Variants in JARID2 observed in about 807,000 individuals in gnomAD.
The protein encoded by JARID2 is jumonji and AT-rich interaction domain containing 2, also known as protein Jumonji.
A neutral mutation model predicts 125.6 loss-of-function variants in JARID2; 21 were observed. That is an observed-to-expected ratio of 0.17 (90% CI 0.12 to 0.24). The LOEUF (loss-of-function observed/expected upper bound fraction) is 0.24, where lower values mean the gene tolerates loss of function less well. Among genes scored for constraint, JARID2 ranks in the 10% least tolerant of loss-of-function variants. JARID2 has a pLI of 1.00. For missense variants in JARID2, 1,303 were observed against 1,639.6 expected (o/e 0.79, Z 3.55); for synonymous variants, 736 against 661.6 (o/e 1.11, Z -1.73).
intron 1 of JARID2, among the ~76,000 whole-genome samples, chr6:15,336,252 G>A (rs186221427): frequency 6.6e-6 from 1 of 152,266 alleles, no homozygotes; most frequent in South Asian, 2.1e-4. Context: ...GGAAGGAAAA[G>A]TATATCAAGC....
At chr6:15,282,584 C>T (rs551723951) in intron 1 of JARID2, among the ~76,000 whole-genome samples, 1 of 145,138 alleles carries the variant, frequency 6.9e-6, no homozygotes, top group East Asian at 2.1e-4. Context: ...TTTGTCTCTC[C>T]CCCTCTCCTC....
intron 1 of JARID2, among the ~76,000 whole-genome samples, chr6:15,259,312 T>C (rs1333369497): frequency 1.3e-5 from 2 of 152,226 alleles, no homozygotes; most frequent in African/African-American, 4.8e-5. Context: ...TTTGTTCTAT[T>C]TTCAGCTTGT....
chr6:15,387,470 C>T (rs1018695831), intron 2 of JARID2, among the ~76,000 whole-genome samples: 2 of 152,144 alleles, frequency 1.3e-5, no homozygotes, highest in Non-Finnish European at 2.9e-5. Context: ...GAGTCTTCCT[C>T]CTCATGCGAG....
At chr6:15,263,965 T>A (rs1165806147) in intron 1 of JARID2, among the ~76,000 whole-genome samples, 3 of 152,188 alleles carry the variant, frequency 2.0e-5, no homozygotes, top group Non-Finnish European at 4.4e-5. Flanking sequence ...TGAACGCAGC[T>A]CACTGCAGCC....
chr6:15,506,162 T>C (rs901641784), intron 9 of JARID2, among the ~76,000 whole-genome samples: 2 of 152,206 alleles, frequency 1.3e-5, no homozygotes, highest in African/African-American at 4.8e-5. Context: ...TGCTCTGTAT[T>C]CCAAAAAAGG....
At chr6:15,414,474 C>A (rs1766040878) in intron 3 of JARID2, among the ~76,000 whole-genome samples, 1 of 152,146 alleles carries the variant, frequency 6.6e-6, no homozygotes. Flanking sequence ...GGAGTTTCCT[C>A]AAATTTCTAA....
intron 1 of JARID2, among the ~76,000 whole-genome samples, chr6:15,367,034 G>T (rs1764006142): frequency 6.6e-6 from 1 of 152,008 alleles, no homozygotes; most frequent in Non-Finnish European, 1.5e-5. Context: ...TTCCTGGAAG[G>T]GGCCTGGTAG....
chr6:15,371,944 A>C (rs1764186549), intron 1 of JARID2, among the ~76,000 whole-genome samples: 1 of 152,124 alleles, frequency 6.6e-6, no homozygotes, highest in Admixed American at 6.5e-5. Context: ...TCTGTGAGTG[A>C]AGGATGTGAA....
At chr6:15,275,073 C>T (rs934253448) in intron 1 of JARID2, among the ~76,000 whole-genome samples, 16 of 152,134 alleles carry the variant, frequency 1.1e-4, no homozygotes, top group African/African-American at 3.1e-4. Context: ...GGGTTACCTC[C>T]ATCTCTGTGA....
At chr6:15,498,933 C>G (rs1404061700) in intron 7 of JARID2, among the ~76,000 whole-genome samples, 1 of 152,214 alleles carries the variant, frequency 6.6e-6, no homozygotes, top group African/African-American at 2.4e-5. Flanking sequence ...GGGAAACATT[C>G]CAAGTTTCCC....
chr6:15,416,085 C>T (rs539046470), intron 3 of JARID2, among the ~76,000 whole-genome samples: 1 of 148,982 alleles, frequency 6.7e-6, no homozygotes, highest in East Asian at 2.0e-4. Context: ...ACATCTCAGA[C>T]GATGGGCGGC....
At chr6:15,468,834 C>A in intron 5 of JARID2, 116 bp downstream of exon 5, 2 of 975,982 alleles carry the variant, frequency 2.0e-6, no homozygotes, top group East Asian at 2.5e-5. Flanking sequence ...GGGTACTTCT[C>A]CAGGGCCAGA....
chr6:15,468,653 C>T lies in JARID2; in HGVS notation c.605C>T (p.Ala202Val), dbSNP rs1390247649. 2 of 1,613,968 alleles carry T rather than the reference C, an allele frequency of 1.2e-6. No individual in the cohort carries two copies. The highest frequency in any genetic ancestry group is 2.7e-5 in the African/African-American group (2 of 74,914). ...TEDVKTATNN[A>V]SSSCQSTPRK... is the part of the protein sequence containing the mutation. ...GACGTCAAAACAGCCACCAACAATG[C>T]TTCATCTTCATGCCAGTCGACCCCC... The change falls in exon 5 of 18, where the codon GCT becomes GTT. Residue 202 changes from alanine (A) to valine (V), a missense_variant. Physicochemically the swap from Ala to Val is moderately conservative, Grantham distance 64. This residue lies in a region of JARID2 where 651 missense variants were observed against 581.6 expected (regional missense o/e 1.12). Transcript: ENST00000341776.
intron 1 of JARID2, among the ~76,000 whole-genome samples, chr6:15,325,489 G>C (rs1273891505): frequency 6.6e-6 from 1 of 152,124 alleles, no homozygotes; most frequent in African/African-American, 2.4e-5. Context: ...AATGTCTAAG[G>C]GTACTTTGAC....
intron 6 of JARID2, among the ~76,000 whole-genome samples, chr6:15,493,504 A>AG (rs758578270): frequency 1.2e-4 from 18 of 152,152 alleles, no homozygotes; most frequent in Non-Finnish European, 2.6e-4. Flanking sequence ...CGTCTCCTTA[A>AG]GGAGACTCTT....
At chr6:15,295,130 T>A (rs1278679917) in intron 1 of JARID2, among the ~76,000 whole-genome samples, 1 of 148,494 alleles carries the variant, frequency 6.7e-6, no homozygotes, top group African/African-American at 2.5e-5. Flanking sequence ...TTTCTTTTTT[T>A]TTTTTTTTTG....
At chr6:15,325,068 A>G (rs1762493605) in intron 1 of JARID2, among the ~76,000 whole-genome samples, 1 of 152,030 alleles carries the variant, frequency 6.6e-6, no homozygotes, top group Non-Finnish European at 1.5e-5. Flanking sequence ...AATGAGGACC[A>G]TACCACAATT....
chr6:15,392,195 G>T (rs370010919), intron 2 of JARID2, among the ~76,000 whole-genome samples: 1 of 152,066 alleles, frequency 6.6e-6, no homozygotes, highest in Non-Finnish European at 1.5e-5. Context: ...CGTTAAGGTG[G>T]CCTAAAACCA....
chr6:15,452,326 C>T lies in JARID2; in HGVS notation c.493+151C>T, dbSNP rs568717123. On this transcript the variant is annotated intron_variant, in intron 4 of 17. Coordinates refer to ENST00000341776, the MANE Select transcript of JARID2 (RefSeq NM_004973.4). ...GGGAATTGAAAGTGAGAAATCCCAC[C>T]GAGAGAGTGTGTGCTGGGTGTGGCT... The T allele has an allele frequency of 4.4e-4, 520 of 1,193,012 alleles. 1 individual carries two copies. The highest frequency in any genetic ancestry group is 5.4e-4 in the Non-Finnish European group (479 of 880,240). The allele number at this position is 1,193,012 out of a possible 1,614,324, so 73.9% of individuals were successfully genotyped here.
Sources: allele counts gnomAD v4.1 joint callset (sites outside exome capture counted in the v4.1 genomes callset), GRCh38; gene constraint gnomAD v4.1.1; regional missense constraint gnomAD v4.1.1; transcripts MANE v1.5; gene names NCBI Gene and HGNC (gene_info 2026-07-23, HGNC 2026-07-21).